Variants in GFRAL observed in about 807,000 individuals in gnomAD.
GFRAL encodes GDNF family receptor alpha-like.
A neutral mutation model predicts 45.4 loss-of-function variants in GFRAL; 36 were observed. The observed-to-expected ratio is 0.79, with a 90% CI of 0.61 to 1.05. GFRAL has a LOEUF of 1.05. Ranked by LOEUF, GFRAL falls within the 50% of genes least tolerant of loss-of-function variation. The pLI is 0.00. For synonymous variants in GFRAL, 166 were observed against 154.1 expected, an observed-to-expected ratio of 1.08 and a Z score of -0.57; for missense variants, 507 against 467.5, an observed-to-expected ratio of 1.08 and a Z score of -0.78.
At chr6:55,349,410 A>G (rs938368739) in intron 3 of GFRAL, among the ~76,000 whole-genome samples, 13 of 152,072 alleles carry the variant, frequency 8.5e-5, no homozygotes, top group Non-Finnish European at 1.0e-4. Context: ...TGGATACATT[A>G]GTGCTCCTTA....
rs192000380 is a variant in GFRAL, at chr6:55,338,673, G to T, written c.316+4729G>T. Among the ~76,000 whole-genome samples the T allele has an allele frequency of 4.6e-5, 7 of 152,234 alleles. No homozygotes were observed. In the East Asian group the frequency reaches 1.4e-3, roughly 29 times the overall value. ...AATTGTTAGACTTGGGCCTTTTAGG[G>T]TAAGTTGGTTTCATTAGGTAGGCAA... On this transcript the variant is annotated intron_variant, in intron 3 of 8. Coordinates refer to ENST00000340465, the MANE Select transcript of GFRAL (RefSeq NM_207410.2).
At chr6:55,395,175 A>AAAAAATATATATATATATAT in intron 6 of GFRAL, among the ~76,000 whole-genome samples, 1 of 123,512 alleles carries the variant, frequency 8.1e-6, no homozygotes, top group Non-Finnish European at 1.6e-5. Context: ...AAAAAAAAAA[A>AAAAAATATATATATATATAT]ATATATATAT....
At chr6:55,329,793 C>T (rs1196992447) in intron 1 of GFRAL, among the ~76,000 whole-genome samples, 1 of 151,896 alleles carries the variant, frequency 6.6e-6, no homozygotes, top group East Asian at 1.9e-4. Context: ...TACACATGGT[C>T]CAATCAGTTG....
chr6:55,365,073 A>G (rs1045616469), intron 6 of GFRAL, among the ~76,000 whole-genome samples: 28 of 151,572 alleles, frequency 1.8e-4, no homozygotes, highest in African/African-American at 6.6e-4. Flanking sequence ...ACCCATGAGC[A>G]TGGAATGTTC....
Position 55,364,762 on chromosome 6 carries a change from G to T in GFRAL, c.952+5624G>T, listed in dbSNP as rs534002628. 2.9e-3 allele frequency among the ~76,000 whole-genome samples: 438 copies of T among 151,666 alleles called. 5 individuals carry two copies. Among genetic ancestry groups the T allele is most frequent in the Non-Finnish European group, 2.1e-3 (145 of 67,828 alleles). ...TCAGATAGTTGTAGATATGCGGCGT[G>T]ATTTCTGAGGGCTCTGTTCTGTTCC... On this transcript the variant is annotated intron_variant, in intron 6 of 8. Transcript: ENST00000340465.
intron 3 of GFRAL, among the ~76,000 whole-genome samples, chr6:55,342,731 C>T (rs2127352580): frequency 6.6e-6 from 1 of 152,076 alleles, no homozygotes; most frequent in Non-Finnish European, 1.5e-5. Context: ...CACAGACTGG[C>T]AAATTGGATA....
intron 6 of GFRAL, among the ~76,000 whole-genome samples, chr6:55,395,245 G>C (rs1768809599): frequency 6.7e-6 from 1 of 149,844 alleles, no homozygotes; most frequent in South Asian, 2.1e-4. Flanking sequence ...CCATAAGTGA[G>C]TTATTCAATG....
intron 3 of GFRAL, among the ~76,000 whole-genome samples, chr6:55,342,361 A>G (rs1347163895): frequency 2.0e-5 from 3 of 152,152 alleles, no homozygotes; most frequent in African/African-American, 4.8e-5. Flanking sequence ...GAGAGTGGGG[A>G]CCAATATTCA....
At chr6:55,350,592 T>C (rs1010334437) in intron 4 of GFRAL, among the ~76,000 whole-genome samples, 11 of 151,748 alleles carry the variant, frequency 7.2e-5, no homozygotes, top group Non-Finnish European at 1.5e-4. Flanking sequence ...TCCCAGCTCA[T>C]TGGGAGGCTG....
At chr6:55,375,632 G>A (rs1055076476) in intron 6 of GFRAL, among the ~76,000 whole-genome samples, 4 of 151,916 alleles carry the variant, frequency 2.6e-5, no homozygotes, top group South Asian at 4.1e-4. Flanking sequence ...AATTGCTCTG[G>A]CCAAAACTTC....
intron 5 of GFRAL, among the ~76,000 whole-genome samples, chr6:55,355,813 A>T (rs1194558405): frequency 6.6e-6 from 1 of 151,892 alleles, no homozygotes; most frequent in Non-Finnish European, 1.5e-5. Context: ...CATAGAGGAA[A>T]AGCTTTCAGT....
intron 5 of GFRAL, among the ~76,000 whole-genome samples, chr6:55,355,502 C>T (rs1393607942): frequency 6.6e-6 from 1 of 151,972 alleles, no homozygotes; most frequent in African/African-American, 2.4e-5. Flanking sequence ...AATGGGACTA[C>T]TTTGAAGATT....
At chr6:55,399,545 G>C in intron 8 of GFRAL, 104 bp downstream of exon 8, 1 of 795,996 alleles carries the variant, frequency 1.3e-6, no homozygotes, top group South Asian at 1.5e-5. Flanking sequence ...GAGAATGAAA[G>C]CTTCTCTGTT....
intron 3 of GFRAL, among the ~76,000 whole-genome samples, chr6:55,334,954 C>T (rs1767873449): frequency 6.6e-6 from 1 of 151,936 alleles, no homozygotes; most frequent in African/African-American, 2.4e-5. Context: ...GCATTATTTC[C>T]AGGTTTTCAG....
intron 5 of GFRAL, among the ~76,000 whole-genome samples, chr6:55,355,582 G>T (rs1256808926): frequency 6.6e-6 from 1 of 151,930 alleles, no homozygotes; most frequent in Non-Finnish European, 1.5e-5. Flanking sequence ...TTTATATCTT[G>T]CAACTTTACT....
chr6:55,328,080 C>T (rs1424140056), intron 1 of GFRAL, among the ~76,000 whole-genome samples: 6 of 151,950 alleles, frequency 3.9e-5, no homozygotes, highest in Non-Finnish European at 7.4e-5. Context: ...AGTAAAACCA[C>T]TTAACACCAT....
intron 3 of GFRAL, among the ~76,000 whole-genome samples, chr6:55,335,895 CTTTATTTTATTTTATTTTATTTTAT>C (rs143794858): frequency 4.7e-5 from 7 of 147,768 alleles, no homozygotes; most frequent in Non-Finnish European, 7.4e-5. Context: ...ATTTCTTTGT[CTTTATTTTATTTTATTTTATTTTAT>C]TTTATTTTAT....
intron 3 of GFRAL, among the ~76,000 whole-genome samples, chr6:55,340,254 T>C (rs958569737): frequency 6.6e-6 from 1 of 152,160 alleles, no homozygotes; most frequent in Admixed American, 6.6e-5. Context: ...ACAAAATGGT[T>C]TTCTCTCCAT....
chr6:55,358,552 T>C (rs1502193), intron 5 of GFRAL, among the ~76,000 whole-genome samples: 151,397 of 152,038 alleles, frequency 1, 75,385 homozygotes, highest in East Asian at 1. Context: ...AAACTATATT[T>C]GGAATAAAAA....
Sources: allele counts gnomAD v4.1 joint callset (sites outside exome capture counted in the v4.1 genomes callset), GRCh38; gene constraint gnomAD v4.1.1; transcripts MANE v1.5; gene names NCBI Gene and HGNC (gene_info 2026-07-23, HGNC 2026-07-21).